Variants in PLXNC1 observed in about 807,000 individuals in gnomAD.
PLXNC1 encodes plexin C1, also known as plexin-C1.
PLXNC1 carries 75 observed loss-of-function variants against 178.2 expected under a neutral mutation model. The observed-to-expected ratio is 0.42, with a 90% CI of 0.35 to 0.51. The LOEUF (loss-of-function observed/expected upper bound fraction) is 0.51, where lower values mean the gene tolerates loss of function less well. PLXNC1 is among the 20% of genes least tolerant of loss of function. PLXNC1 has a pLI of 0.02. For missense variants in PLXNC1, 1,503 were observed against 1,984.4 expected (o/e 0.76, Z 4.61); for synonymous variants, 790 against 779.9 (o/e 1.01, Z -0.22).
chr12:94,149,955 C>A lies in PLXNC1; in HGVS notation c.984C>A (p.Leu328=), dbSNP rs1356018757. Residue 328 remains leucine, a synonymous_variant, in exon 1 of 31, where the codon CTC becomes CTA. Coordinates refer to ENST00000258526, the MANE Select transcript of PLXNC1 (RefSeq NM_005761.3). Reference sequence around the variant, plus strand: ...GGCGCTCCCCCACCACCACGGCGCTCTGCCTCTTCAGAATGAGTGAGATCC... The same window carrying A: ...GGCGCTCCCCCACCACCACGGCGCTATGCCTCTTCAGAATGAGTGAGATCC... ...QERRSPTTTA[L]CLFRMSEIQA... 4 of 1,589,718 alleles carry A rather than the reference C, an allele frequency of 2.5e-6. No individual in the cohort carries two copies. The East Asian group carries it at 9.1e-5, about 36-fold the overall frequency.
chr12:94,168,362 A>G (rs959256222), intron 1 of PLXNC1: 1 of 152,252 alleles, frequency 6.6e-6, no homozygotes, highest in African/African-American at 2.4e-5. Context: ...CTTTTAAACA[A>G]AAAAGAAAAA....
intron 5 of PLXNC1, among the ~76,000 whole-genome samples, chr12:94,212,220 G>GC (rs1565812278): frequency 7.5e-6 from 1 of 134,092 alleles, no homozygotes; most frequent in African/African-American, 2.9e-5. Flanking sequence ...CTTGCAGTGA[G>GC]CCGAGATCCC....
intron 21 of PLXNC1, among the ~76,000 whole-genome samples, chr12:94,275,452 G>T (rs1050205883): frequency 6.6e-5 from 10 of 152,154 alleles, no homozygotes; most frequent in Non-Finnish European, 1.5e-4. Context: ...CATGGCACAG[G>T]CATCTGCTCC....
At position 94,306,110 on chromosome 12, in the gene PLXNC1, C is replaced by T. The variant is rs551025136; in HGVS notation, c.*825C>T. 8.6e-5 allele frequency: 13 copies of T among 152,028 alleles called. No homozygotes were observed. Among genetic ancestry groups the T allele is most frequent in the African/African-American group, 2.9e-4 (12 of 41,494 alleles). The allele number at this position is 152,028 out of a possible 1,614,324, so 9.4% of individuals were successfully genotyped here. A position where few individuals can be genotyped will look rare whatever the true frequency, so the allele number is the denominator to read the frequency against. On this transcript the variant is annotated 3_prime_UTR_variant, in exon 31 of 31. Coordinates refer to ENST00000258526, the MANE Select transcript of PLXNC1 (RefSeq NM_005761.3). ...AAAAAATCATTAATTCATTTCTGTT[C>T]CAAAACCTTTGATCAGAACGATCTG...
chr12:94,299,560 C>T (rs899016577), intron 27 of PLXNC1, among the ~76,000 whole-genome samples: 2 of 142,098 alleles, frequency 1.4e-5, no homozygotes, highest in African/African-American at 5.1e-5. Flanking sequence ...TTCCTGTGTT[C>T]TAGCCTCTTT....
rs1963753565 is a variant in PLXNC1, at chr12:94,220,138, C to T, written c.1677C>T (p.Ser559=). The T allele has an allele frequency of 6.2e-7, 1 of 1,613,924 alleles. No individual in the cohort carries two copies. Among genetic ancestry groups the T allele is most frequent in the Non-Finnish European group, 8.5e-7 (1 of 1,179,956 alleles). Residue 559 remains serine (S), a synonymous_variant, in exon 6 of 31, where the codon AGC becomes AGT. Coordinates refer to ENST00000258526, the MANE Select transcript of PLXNC1 (RefSeq NM_005761.3). ...AGCCCAACCGGACCTGCACCTGTAG[C>T]ATCCCAACCAGAGCAACCTACAAAG... ...KSQPNRTCTC[S]IPTRATYKDV... is the part of the protein sequence containing the mutation.
intron 26 of PLXNC1, 32 bp from the exon 27 acceptor site, chr12:94,298,600 A>G: frequency 3.2e-6 from 5 of 1,542,522 alleles, no homozygotes; most frequent in Non-Finnish European, 4.4e-6. Flanking sequence ...ACAGTTTTTA[A>G]TCTCCCAAAT....
intron 9 of PLXNC1, among the ~76,000 whole-genome samples, chr12:94,229,579 C>T (rs945013562): frequency 3.9e-5 from 6 of 152,128 alleles, no homozygotes; most frequent in African/African-American, 1.4e-4. Context: ...TTATATATGG[C>T]ATAAGAAATG....
At chr12:94,151,815 A>G (rs1960969873) in intron 1 of PLXNC1, among the ~76,000 whole-genome samples, 2 of 152,166 alleles carry the variant, frequency 1.3e-5, no homozygotes, top group Admixed American at 1.3e-4. Context: ...GTTCCCTTCC[A>G]AACCCAGCCA....
At chr12:94,165,163 GA>G (rs1185599565) in intron 1 of PLXNC1, among the ~76,000 whole-genome samples, 2 of 152,054 alleles carry the variant, frequency 1.3e-5, no homozygotes, top group Non-Finnish European at 2.9e-5. Flanking sequence ...AAATAGGCCC[GA>G]AAAAAAGAGA....
At chr12:94,188,823 A>G (rs1962616619) in intron 4 of PLXNC1, among the ~76,000 whole-genome samples, 1 of 152,236 alleles carries the variant, frequency 6.6e-6, no homozygotes, top group African/African-American at 2.4e-5. Flanking sequence ...CCTCACCCTC[A>G]GTGGTAGGAG....
At position 94,220,081 on chromosome 12, in the gene PLXNC1, C is replaced by G; in HGVS notation, c.1620C>G (p.Asp540Glu). Residue 540 changes from aspartate to glutamate, a missense_variant, in exon 6 of 31, where the codon GAC becomes GAG. By Grantham distance (45) the Asp-to-Glu change is conservative. Coordinates refer to ENST00000258526, the MANE Select transcript of PLXNC1 (RefSeq NM_005761.3). ...RHSKCMVKNV[D>E]SSRELCQNKS... Reference sequence around the variant, plus strand: ...CAAAGTGCATGGTGAAGAATGTGGACTCTAGCAGGGAGCTCTGCCAGAATA... The same window carrying G: ...CAAAGTGCATGGTGAAGAATGTGGAGTCTAGCAGGGAGCTCTGCCAGAATA... 6.2e-7 allele frequency: 1 copy of G among 1,613,792 alleles called. No individual in the cohort carries two copies. The highest frequency in any genetic ancestry group is 8.5e-7 in the Non-Finnish European group (1 of 1,179,692).
intron 1 of PLXNC1, among the ~76,000 whole-genome samples, chr12:94,165,213 G>A (rs1961565385): frequency 6.6e-6 from 1 of 152,230 alleles, no homozygotes. Flanking sequence ...TGACTGCACT[G>A]TTTCCCCCTT....
chr12:94,300,138 C>T (rs1968323126), intron 27 of PLXNC1, among the ~76,000 whole-genome samples: 1 of 152,184 alleles, frequency 6.6e-6, no homozygotes, highest in Non-Finnish European at 1.5e-5. Flanking sequence ...AGTAACAAAA[C>T]AGATGAAAGT....
At chr12:94,180,940 G>C (rs1303257058) in intron 2 of PLXNC1, among the ~76,000 whole-genome samples, 1 of 152,046 alleles carries the variant, frequency 6.6e-6, no homozygotes, top group Non-Finnish European at 1.5e-5. Flanking sequence ...TGGTAACTTT[G>C]CCTTTACAAA....
intron 4 of PLXNC1, among the ~76,000 whole-genome samples, chr12:94,200,499 A>G (rs935312002): frequency 2.6e-5 from 4 of 152,186 alleles, no homozygotes; most frequent in Non-Finnish European, 5.9e-5. Context: ...TGTTTCTGAT[A>G]GGCCAAATGT....
intron 1 of PLXNC1, chr12:94,150,855 G>C (rs4103276): frequency 0.69 from 105,789 of 152,278 alleles, 36,905 homozygotes; most frequent in African/African-American, 0.76. Context: ...TCACCACCCT[G>C]GGGCTGAACC....
intron 23 of PLXNC1, among the ~76,000 whole-genome samples, chr12:94,293,054 T>C (rs1967522172): frequency 6.6e-6 from 1 of 152,256 alleles, no homozygotes; most frequent in Non-Finnish European, 1.5e-5. Context: ...GTTTGGGCTT[T>C]TTCTTTTTTC....
intron 4 of PLXNC1, among the ~76,000 whole-genome samples, chr12:94,197,778 A>G (rs1470976055): frequency 2.0e-5 from 3 of 152,114 alleles, no homozygotes; most frequent in Non-Finnish European, 4.4e-5. Context: ...CTCCTAAGCC[A>G]TTAGAGCAAA....
Sources: allele counts gnomAD v4.1 joint callset (sites outside exome capture counted in the v4.1 genomes callset), GRCh38; gene constraint gnomAD v4.1.1; transcripts MANE v1.5; gene names NCBI Gene and HGNC (gene_info 2026-07-23, HGNC 2026-07-21).